Variants in ZFR observed in about 807,000 individuals in gnomAD.
ZFR encodes zinc finger RNA binding protein, also known as zinc finger RNA-binding protein.
In ZFR, 19 loss-of-function variants were observed where a neutral mutation model predicts 130.7. The observed-to-expected ratio is 0.15, with a 90% CI of 0.10 to 0.21. ZFR has a LOEUF of 0.21. Ranked by LOEUF, ZFR falls within the 10% of genes least tolerant of loss-of-function variation. The pLI is 1.00. For missense variants in ZFR, 872 were observed against 1,321.5 expected, an observed-to-expected ratio of 0.66 and a Z score of 5.27; for synonymous variants, 466 against 456.9, an observed-to-expected ratio of 1.02 and a Z score of -0.25.
In ZFR at chr5:32,414,951, A is replaced by G. The variant is rs1425378899; in HGVS notation, c.784+18T>C. 6.3e-7 allele frequency: 1 copy of G among 1,596,912 alleles called. No individual in the cohort carries two copies. Among genetic ancestry groups the G allele is most frequent in the Non-Finnish European group, 8.6e-7 (1 of 1,167,862 alleles). ...TCCTAATTTGTTTACTCATTTAAAC[A>G]CAGTTTATCAGTCTTACCAGAATAT... On this transcript the variant is annotated intron_variant, in intron 5 of 19. Transcript: ENST00000265069.
chr5:32,397,982 C>A (rs1026139419), intron 9 of ZFR, among the ~76,000 whole-genome samples: 5 of 148,606 alleles, frequency 3.4e-5, no homozygotes, highest in Non-Finnish European at 5.9e-5. Flanking sequence ...CTCAGCCTTC[C>A]GAGTAGCTGG....
chr5:32,424,528 G>A (rs1256908937), intron 2 of ZFR, among the ~76,000 whole-genome samples: 2 of 139,544 alleles, frequency 1.4e-5, no homozygotes, highest in Admixed American at 7.3e-5. Context: ...GCGAGACTCC[G>A]TCTCAAAAAA....
At chr5:32,414,026 AC>A (rs1312776788) in intron 5 of ZFR, among the ~76,000 whole-genome samples, 1 of 151,522 alleles carries the variant, frequency 6.6e-6, no homozygotes, top group Non-Finnish European at 1.5e-5. Context: ...ATCTGCTCAC[AC>A]CGCTCCATTT....
rs968191792 is a variant in ZFR, at chr5:32,394,347, G to A, written c.1979+812C>T. ...CATGAAAACACGCTAAGTGAACGAT[G>A]CCAGACACAAAAGACCATAGACTGT... On this transcript the variant is annotated intron_variant, in intron 11 of 19. Coordinates refer to ENST00000265069, the MANE Select transcript of ZFR (RefSeq NM_016107.5). The A allele has an allele frequency of 2.4e-5, 4 of 169,322 alleles. No homozygotes were observed. The East Asian group carries it at 7.7e-4, about 33-fold the overall frequency. The allele number at this position is 169,322 out of a possible 1,614,324, so 10.5% of individuals were successfully genotyped here. A position where few individuals can be genotyped will look rare whatever the true frequency, so the allele number is the denominator to read the frequency against.
intron 17 of ZFR, among the ~76,000 whole-genome samples, chr5:32,365,451 T>C (rs912493777): frequency 1.3e-5 from 2 of 152,064 alleles, no homozygotes; most frequent in Non-Finnish European, 2.9e-5. Context: ...TCCAGCACGA[T>C]TGGAAAAAAC....
chr5:32,435,902 T>C (rs1356094304), intron 2 of ZFR, among the ~76,000 whole-genome samples: 1 of 152,222 alleles, frequency 6.6e-6, no homozygotes, highest in African/African-American at 2.4e-5. Context: ...CAAAATTTTA[T>C]GCTATTTTTT....
intron 6 of ZFR, among the ~76,000 whole-genome samples, chr5:32,405,356 C>T (rs1258252095): frequency 3.3e-5 from 5 of 152,164 alleles, no homozygotes; most frequent in South Asian, 2.1e-4. Flanking sequence ...TTCTTATGTA[C>T]GCATCTAGAA....
At chr5:32,406,619 A>G in intron 6 of ZFR, 155 bp downstream of exon 6, 1 of 1,077,976 alleles carries the variant, frequency 9.3e-7, no homozygotes, top group Non-Finnish European at 1.2e-6. Context: ...TTTTCCCTGA[A>G]AATTCTCATG....
rs142713377 is a variant in ZFR at position 32,381,017 on chromosome 5, T to C, written c.2642-845A>G. On this transcript the variant is annotated intron_variant, in intron 15 of 19. Transcript: ENST00000265069. Reference sequence around the variant, plus strand: ...TGAAAATTTTAGTTATCAGAGAGTATGAAATGCCCTTTAAAATTTAAAGTT... The same window carrying C: ...TGAAAATTTTAGTTATCAGAGAGTACGAAATGCCCTTTAAAATTTAAAGTT... Among the ~76,000 whole-genome samples the C allele has an allele frequency of 4.3e-4, 65 of 152,178 alleles. 1 individual carries two copies. The highest frequency in any genetic ancestry group is 7.8e-4 in the Non-Finnish European group (53 of 68,012).
intron 16 of ZFR, 61 bp downstream of exon 16, chr5:32,380,014 T>C (rs1031181884): frequency 8.0e-6 from 11 of 1,371,546 alleles, no homozygotes; most frequent in Admixed American, 6.8e-5. Context: ...CAGTTAAACA[T>C]GTTGTACTGA....
intron 2 of ZFR, among the ~76,000 whole-genome samples, chr5:32,425,385 A>G (rs1000168655): frequency 1.3e-5 from 2 of 148,814 alleles, no homozygotes; most frequent in Admixed American, 6.8e-5. Context: ...AATTTACTGC[A>G]ACAGTCTGAA....
chr5:32,439,157 A>C (rs1482880392), intron 2 of ZFR, among the ~76,000 whole-genome samples: 1 of 152,192 alleles, frequency 6.6e-6, no homozygotes, highest in African/African-American at 2.4e-5. Context: ...ATCTTATTTC[A>C]AGCTTATCCA....
intron 2 of ZFR, among the ~76,000 whole-genome samples, chr5:32,428,519 G>A (rs1754125849): frequency 1.3e-5 from 2 of 152,246 alleles, no homozygotes; most frequent in African/African-American, 4.8e-5. Context: ...CGAGACTTCA[G>A]TGAGCTGTGA....
At chr5:32,416,979 T>C (rs1346441071) in intron 4 of ZFR, among the ~76,000 whole-genome samples, 1 of 151,840 alleles carries the variant, frequency 6.6e-6, no homozygotes, top group Non-Finnish European at 1.5e-5. Flanking sequence ...TTGTTACATA[T>C]GTATACATGT....
chr5:32,401,241 G>A (rs1026632845), intron 8 of ZFR, among the ~76,000 whole-genome samples: 1 of 152,190 alleles, frequency 6.6e-6, no homozygotes, highest in Non-Finnish European at 1.5e-5. Context: ...ACGGCGCTAA[G>A]TTCTGGTAAT....
Position 32,390,419 on chromosome 5 carries a change from C to A in ZFR, c.1998G>T (p.Met666Ile). 1 of 1,613,984 alleles carries A rather than the reference C, an allele frequency of 6.2e-7. No individual in the cohort carries two copies. The highest frequency in any genetic ancestry group is 8.5e-7 in the Non-Finnish European group (1 of 1,179,906). ...RMEMRRYEEDMYWRRMEEEQH... is the reference protein window; with the variant it reads ...RMEMRRYEEDIYWRRMEEEQH... The stretch of plus-strand genomic sequence containing the variant: ...GTTCTTCCTCCATTCTCCTCCAGTA[C>A]ATGTCCTCTTCATAACGTCTGAAAC... The change falls in exon 12 of 20, where the codon ATG (methionine) becomes ATT (isoleucine). Residue 666 changes from methionine to isoleucine, a missense_variant. Around this residue, in one of 7 missense-constraint regions of ZFR, gnomAD observed 225 missense variants for 282.4 expected, o/e 0.80. Coordinates refer to ENST00000265069, the MANE Select transcript of ZFR (RefSeq NM_016107.5).
At chr5:32,359,056 G>A (rs1009916816) in intron 19 of ZFR, among the ~76,000 whole-genome samples, 10 of 152,040 alleles carry the variant, frequency 6.6e-5, no homozygotes, top group African/African-American at 2.2e-4. Flanking sequence ...GCATGGTGTC[G>A]CACATCTGTG....
chr5:32,356,190 CAAAATT>C (rs1752303753), intron 19 of ZFR, among the ~76,000 whole-genome samples: 2 of 151,606 alleles, frequency 1.3e-5, no homozygotes, highest in Non-Finnish European at 2.9e-5. Flanking sequence ...AACACACACA[CAAAATT>C]ACAAAAATTA....
intron 18 of ZFR, 46 bp from the exon 19 acceptor site, chr5:32,364,091 T>C (rs1752488240): frequency 3.8e-6 from 6 of 1,599,518 alleles, no homozygotes; most frequent in Non-Finnish European, 5.1e-6. Context: ...CATTGTCCAC[T>C]TATAAAAAAA....
Sources: gnomAD v4.1 joint callset for allele counts (sites outside exome capture counted in the v4.1 genomes callset) on GRCh38, gnomAD v4.1.1 for gene constraint, gnomAD v4.1.1 regional missense constraint, MANE v1.5 for transcripts, NCBI Gene and HGNC (gene_info 2026-07-23, HGNC 2026-07-21) for gene names.